The following ANK3 variants were observed in gnomAD, a reference collection of about 807,000 sequenced individuals.
ANK3 encodes ankyrin-3.
In ANK3, 57 loss-of-function variants were observed where a neutral mutation model predicts 370.9. The observed-to-expected ratio is 0.15, with a 90% confidence interval of 0.12 to 0.19. The LOEUF is 0.19. Among genes scored for constraint, ANK3 ranks in the 10% least tolerant of loss-of-function variants. ANK3 has a pLI of 1.00. For missense variants in ANK3, 4,439 were observed against 5,302.1 expected (o/e 0.84, Z 5.06); for synonymous variants, 1,929 against 1,946.3 (o/e 0.99, Z 0.23).
intron 8 of ANK3, among the ~76,000 whole-genome samples, chr10:60,232,007 A>G (rs1181867391): frequency 6.6e-6 from 1 of 152,170 alleles, no homozygotes; most frequent in African/African-American, 2.4e-5. Context: ...AACTTTGCCT[A>G]TGTAGATTAT....
intron 20 of ANK3, 79 bp from the exon 21 acceptor site, chr10:60,172,482 G>A (rs2095818785): frequency 8.7e-7 from 1 of 1,150,266 alleles, no homozygotes; most frequent in East Asian, 2.5e-5. Flanking sequence ...TGTAAGGTGA[G>A]TGTCTCATCA....
rs542508365 is a variant in ANK3, at chr10:60,337,483, A to T, written c.114+51942T>A. Among the ~76,000 whole-genome samples, 4 of 152,170 alleles carry T rather than the reference A, an allele frequency of 2.6e-5. No homozygotes were observed. In the East Asian group the frequency reaches 7.7e-4, roughly 29 times the overall value. On this transcript the variant is annotated intron_variant, in intron 1 of 43. Transcript: ENST00000280772. The stretch of plus-strand genomic sequence containing the variant: ...CAATCCCAGACTCCTACTTTCAATC[A>T]TAGCATTTTCTCTTATCAGGCTCCG...
rs2062943023 is a variant in ANK3 at position 60,389,813 on chromosome 10, C to G, written c.-275G>C. On this transcript the variant is annotated 5_prime_UTR_variant, in exon 1 of 44. Coordinates refer to ENST00000280772, the MANE Select transcript of ANK3 (RefSeq NM_020987.5). ...AATGCATTTACCGTAGTGAAGAAGACAGCTGGGACAGAGGAAGCTGTATTA... is the reference window on the plus strand; with the variant it reads ...AATGCATTTACCGTAGTGAAGAAGAGAGCTGGGACAGAGGAAGCTGTATTA... 8.2e-7 allele frequency: 1 copy of G among 1,214,738 alleles called. No individual in the cohort carries two copies. Among genetic ancestry groups the G allele is most frequent in the East Asian group, 4.2e-5 (1 of 23,806 alleles). The allele number at this position is 1,214,738 out of a possible 1,614,324, so 75.2% of individuals were successfully genotyped here. A position where few individuals can be genotyped will look rare whatever the true frequency, so the allele number is the denominator to read the frequency against.
In ANK3 at chr10:60,069,645, C is replaced by G; in HGVS notation, c.11236G>C (p.Glu3746Gln). The G allele has an allele frequency of 6.2e-7, 1 of 1,614,144 alleles. No homozygotes were observed. Among genetic ancestry groups the G allele is most frequent in the Non-Finnish European group, 8.5e-7 (1 of 1,180,010 alleles). ...CCCTGACAACTGGTCATCACCGCTTCTATCTTATCTGTTATTTCTCCAGGG... is the reference window on the plus strand; with the variant it reads ...CCCTGACAACTGGTCATCACCGCTTGTATCTTATCTGTTATTTCTCCAGGG... The part of the protein sequence containing the change: ...EGPGEITDKI[E>Q]AVMTSCQGLE... The change falls in exon 37 of 44, where the codon GAA becomes CAA. Residue 3746 changes from glutamate to glutamine, a missense_variant. Physicochemically the swap from Glu to Gln is conservative, Grantham distance 29. Around this residue, in one of 13 missense-constraint regions of ANK3, gnomAD observed 496 missense variants for 529.3 expected, o/e 0.94. Transcript: ENST00000280772.
chr10:60,579,326 TAAAAAA>T (rs763281984), intron 2 of ANK3, among the ~76,000 whole-genome samples: 1 of 69,020 alleles, frequency 1.4e-5, no homozygotes, highest in Non-Finnish European at 2.7e-5. Context: ...TCTCTCTCAA[TAAAAAA>T]AAAAAAAAAA....
chr10:60,620,113 T>C (rs375842381), intron 1 of ANK3, among the ~76,000 whole-genome samples: 1 of 152,200 alleles, frequency 6.6e-6, no homozygotes, highest in East Asian at 1.9e-4. Context: ...AATAACTATA[T>C]ACCATCTTAT....
At chr10:60,093,258 G>C (rs978170519) in intron 28 of ANK3, among the ~76,000 whole-genome samples, 17 of 152,186 alleles carry the variant, frequency 1.1e-4, no homozygotes, top group Admixed American at 1.3e-4. Flanking sequence ...CTGATTATCT[G>C]TTTAAATCGC....
At position 60,085,193 on chromosome 10, in the gene ANK3, T is replaced by G. The variant is rs2086355732; in HGVS notation, c.3809A>C (p.Lys1270Thr). 1 of 1,613,378 alleles carries G rather than the reference T, an allele frequency of 6.2e-7. No homozygotes were observed. Among genetic ancestry groups the G allele is most frequent in the Non-Finnish European group, 8.5e-7 (1 of 1,179,686 alleles). The change falls in exon 31 of 44, where the codon AAA (lysine) becomes ACA (threonine). Residue 1270 changes from lysine to threonine, a missense_variant. Physicochemically the swap from Lys to Thr is moderately conservative, Grantham distance 78 (BLOSUM62 -1). Around this residue, in one of 13 missense-constraint regions of ANK3, gnomAD observed 702 missense variants for 941.5 expected, o/e 0.75. Coordinates refer to ENST00000280772, the MANE Select transcript of ANK3 (RefSeq NM_020987.5). ...ITGTTPLTFI[K>T]DCVSFTTNVS... is the part of the protein sequence containing the mutation. ...ATTGGTTGTAAAGGAGACACAATCT[T>G]TTATAAACGTCAAAGGAGTTGTTCC...
At chr10:60,550,102 T>C (rs1400169381) in intron 2 of ANK3, among the ~76,000 whole-genome samples, 1 of 152,072 alleles carries the variant, frequency 6.6e-6, no homozygotes, top group Non-Finnish European at 1.5e-5. Context: ...ATGAAAATTA[T>C]TGAAACTAAA....
At chr10:60,564,193 A>G (rs1280033405) in intron 2 of ANK3, among the ~76,000 whole-genome samples, 1 of 152,234 alleles carries the variant, frequency 6.6e-6, no homozygotes, top group African/African-American at 2.4e-5. Flanking sequence ...TTAACAGCCC[A>G]GCAGAAAACA....
At chr10:60,301,435 A>G (rs2043793949) in intron 1 of ANK3, among the ~76,000 whole-genome samples, 1 of 141,974 alleles carries the variant, frequency 7.0e-6, no homozygotes, top group South Asian at 2.2e-4. Context: ...TTTTTTTGAG[A>G]CAGAGTCTCA....
intron 2 of ANK3, among the ~76,000 whole-genome samples, chr10:60,477,870 G>T (rs1053380679): frequency 2.0e-5 from 3 of 152,044 alleles, no homozygotes. Flanking sequence ...GAAAGAGGTT[G>T]CAAATGAACA....
At chr10:60,261,832 A>T in intron 7 of ANK3, 27 bp downstream of exon 7, 1 of 1,594,448 alleles carries the variant, frequency 6.3e-7, no homozygotes, top group Non-Finnish European at 8.6e-7. Context: ...AATGCTTTAA[A>T]GGTATTACAC....
At chr10:60,229,419 T>G (rs1025938577) in intron 8 of ANK3, among the ~76,000 whole-genome samples, 12 of 152,222 alleles carry the variant, frequency 7.9e-5, no homozygotes, top group African/African-American at 2.9e-4. Context: ...AGGATTTATT[T>G]TTAACTTTGG....
chr10:60,187,605 A>G (rs1197159670), intron 16 of ANK3, among the ~76,000 whole-genome samples: 2 of 152,190 alleles, frequency 1.3e-5, no homozygotes, highest in South Asian at 2.1e-4. Context: ...GCAACAAACA[A>G]TCAGTTATCA....
intron 1 of ANK3, among the ~76,000 whole-genome samples, chr10:60,730,678 C>A (rs2080009852): frequency 6.6e-6 from 1 of 152,204 alleles, no homozygotes; most frequent in Non-Finnish European, 1.5e-5. Context: ...ATTAACCCAG[C>A]ATCTGACTGG....
At chr10:60,496,175 C>T (rs1477323576) in intron 2 of ANK3, among the ~76,000 whole-genome samples, 1 of 152,182 alleles carries the variant, frequency 6.6e-6, no homozygotes, top group African/African-American at 2.4e-5. Flanking sequence ...CAAGGTTCAA[C>T]ATGGAACTCT....
At chr10:60,644,530 T>A (rs10761535) in intron 1 of ANK3, among the ~76,000 whole-genome samples, 102,974 of 151,162 alleles carry the variant, frequency 0.68, 35,153 homozygotes, top group South Asian at 0.83. Flanking sequence ...AAAGTACCAA[T>A]TTTTCTATTG....
intron 7 of ANK3, 45 bp downstream of exon 7, chr10:60,261,814 T>C (rs760481313): frequency 6.5e-7 from 1 of 1,538,132 alleles, no homozygotes; most frequent in Non-Finnish European, 9.0e-7. Context: ...GAGTATAAAA[T>C]AGTTGCAAAT....
Sources: gnomAD v4.1 joint callset for allele counts (sites outside exome capture counted in the v4.1 genomes callset) on GRCh38, gnomAD v4.1.1 for gene constraint, gnomAD v4.1.1 regional missense constraint, MANE v1.5 for transcripts, NCBI Gene and HGNC (gene_info 2026-07-23, HGNC 2026-07-21) for gene names.